Variants in PBRM1 observed in about 807,000 individuals in gnomAD.
PBRM1 encodes protein polybromo-1.
Under a neutral mutation model 194.5 loss-of-function variants are expected in PBRM1, and 27 were observed. The observed-to-expected ratio is 0.14, with a 90% confidence interval of 0.10 to 0.19. The LOEUF is 0.19. Ranked by LOEUF, PBRM1 falls within the 10% of genes least tolerant of loss-of-function variation. PBRM1 has a pLI of 1.00. For missense variants in PBRM1, 1,466 were observed against 2,077.2 expected, an observed-to-expected ratio of 0.71 and a Z score of 5.72; for synonymous variants, 655 against 693.2, an observed-to-expected ratio of 0.94 and a Z score of 0.87.
Position 52,609,736 on chromosome 3 carries a change from G to A in PBRM1, c.2144C>T (p.Ala715Val). 6.2e-7 allele frequency: 1 copy of A among 1,608,132 alleles called. No homozygotes were observed. The highest frequency in any genetic ancestry group is 8.5e-7 in the Non-Finnish European group (1 of 1,177,852). ...AGAGTCAATATCTTGGTACTTGTTG[G>A]CCATCATGTGACTTCGAATTTTTTC... The change falls in exon 16 of 30, where the codon GCC becomes GTC. Residue 715 changes from alanine (A) to valine (V), a missense_variant. By Grantham distance (64) the Ala-to-Val change is moderately conservative. Coordinates refer to ENST00000296302, the Ensembl canonical transcript of PBRM1. This position sits in a 1 kb window ranked among gnomAD's most constrained non-coding sequence, Gnocchi z 4.1.
chr3:52,649,505 A>G (rs1046072768), intron 6 of PBRM1, among the ~76,000 whole-genome samples: 1 of 152,246 alleles, frequency 6.6e-6, no homozygotes, highest in Non-Finnish European at 1.5e-5. Context: ...GAGGCTGTGC[A>G]TGATCTCAGC....
exon 24 of PBRM1, chr3:52,563,485 A>G (rs1280677016): frequency 1.2e-6 from 2 of 1,613,588 alleles, no homozygotes; most frequent in Admixed American, 3.3e-5. Context: ...CTGAGGAACA[A>G]TTGGTTTTCT....
rs1441063943 is a variant in PBRM1, at chr3:52,576,537, C to T, written c.3691+4G>A. On this transcript the variant is annotated splice_donor_region_variant and intron_variant, in intron 22 of 29. Coordinates refer to ENST00000296302, the Ensembl canonical transcript of PBRM1. The stretch of plus-strand genomic sequence containing the variant: ...CGATTAAATAAAAAAGCACAAATAC[C>T]TACCGAGAATACATGTCATGGGGCA... 1 of 1,583,874 alleles carries T rather than the reference C, an allele frequency of 6.3e-7. No individual in the cohort carries two copies. Among genetic ancestry groups the T allele is most frequent in the Non-Finnish European group, 8.5e-7 (1 of 1,169,636 alleles).
At chr3:52,656,208 C>T (rs570544712) in intron 5 of PBRM1, among the ~76,000 whole-genome samples, 4 of 152,214 alleles carry the variant, frequency 2.6e-5, no homozygotes, top group Non-Finnish European at 5.9e-5. Context: ...AAAGGTCTTG[C>T]TTGTCTAGAA....
chr3:52,547,865 T>C, downstream of PBRM1: 3 of 476,776 alleles, frequency 6.3e-6, no homozygotes, highest in Non-Finnish European at 1.1e-5. Context: ...TTTGTGTATT[T>C]GATAAAGTCA....
intron 13 of PBRM1, among the ~76,000 whole-genome samples, chr3:52,618,671 C>G (rs531654181): frequency 6.6e-6 from 1 of 151,092 alleles, no homozygotes; most frequent in African/African-American, 2.4e-5. Flanking sequence ...CTCAGCTCAC[C>G]GCAACCTCTG....
intron 10 of PBRM1, among the ~76,000 whole-genome samples, chr3:52,641,026 TAAAA>T (rs796782070): frequency 6.6e-6 from 1 of 152,010 alleles, no homozygotes; most frequent in Non-Finnish European, 1.5e-5. Flanking sequence ...CCAATTTAAA[TAAAA>T]AAATACTTAA....
intron 10 of PBRM1, among the ~76,000 whole-genome samples, chr3:52,635,336 G>A (rs1417806503): frequency 6.6e-6 from 1 of 152,156 alleles, no homozygotes; most frequent in Non-Finnish European, 1.5e-5. Flanking sequence ...GAGAGGCCAA[G>A]GTGGGTGAAT....
rs564057549 is a variant in PBRM1 at position 52,578,998 on chromosome 3, A to G, written c.3533+56T>C. On this transcript the variant is annotated intron_variant, in intron 21 of 29. Transcript: ENST00000296302. ...TTCATCCGAAGGGTGACTAATTTCT[A>G]CTGGTTCCAAATTTCTCAGATTCAA... is the stretch of plus-strand genomic sequence containing the variant. 17 of 1,564,950 alleles carry G rather than the reference A, an allele frequency of 1.1e-5. No homozygotes were observed. The African/African-American group carries it at 2.3e-4, about 21-fold the overall frequency.
intron 19 of PBRM1, 59 bp from the exon 22 acceptor site, chr3:52,586,747 TCAAA>T: frequency 6.9e-6 from 1 of 145,080 alleles, no homozygotes; most frequent in South Asian, 3.0e-4. Context: ...TGAAAATCAA[TCAAA>T]AAAAAAAAAA....
intron 15 of PBRM1, among the ~76,000 whole-genome samples, chr3:52,612,793 CTA>C (rs1171438486): frequency 7.9e-5 from 12 of 151,738 alleles, no homozygotes; most frequent in African/African-American, 2.4e-4. Context: ...GTAGTTACAG[CTA>C]CCCTGCAGGC....
intron 2 of PBRM1, among the ~76,000 whole-genome samples, chr3:52,671,853 G>C (rs960061518): frequency 6.6e-6 from 1 of 152,126 alleles, no homozygotes; most frequent in African/African-American, 2.4e-5. Context: ...TCAGTGGCTT[G>C]CTCGTTGAGG....
At chr3:52,629,151 C>A in intron 11 of PBRM1, 116 bp from the exon 13 acceptor site, 1 of 727,848 alleles carries the variant, frequency 1.4e-6, no homozygotes. Flanking sequence ...ACTGGTAATA[C>A]TGATTAGGAA....
chr3:52,627,764 G>T (rs1043775603), intron 12 of PBRM1, among the ~76,000 whole-genome samples: 4 of 152,160 alleles, frequency 2.6e-5, no homozygotes, highest in Admixed American at 6.6e-5. Flanking sequence ...AAAGTTTAAT[G>T]CAAGAAGTGA....
chr3:52,652,704 T>A (rs1265420934), intron 5 of PBRM1, among the ~76,000 whole-genome samples: 128 of 120,454 alleles, frequency 1.1e-3, no homozygotes, highest in African/African-American at 3.4e-3. Context: ...AAAAAATAAA[T>A]AATCTAAATT....
intron 7 of PBRM1, among the ~76,000 whole-genome samples, chr3:52,646,571 C>G (rs926282617): frequency 6.6e-6 from 1 of 152,052 alleles, no homozygotes; most frequent in African/African-American, 2.4e-5. Flanking sequence ...GGAATAGAAC[C>G]AAGAATCTAG....
chr3:52,633,006 G>A (rs1023392497), intron 11 of PBRM1, among the ~76,000 whole-genome samples: 1 of 152,020 alleles, frequency 6.6e-6, no homozygotes, highest in Non-Finnish European at 1.5e-5. Context: ...AGCCTACCTT[G>A]ACCATTTTTA....
Position 52,552,353 on chromosome 3 carries a change from A to G in PBRM1, c.4610-1536T>C, listed in dbSNP as rs189581105. ...GGTGAGAATCTGAGCTGAGTCACCAAAAGAGCTCAATGAATCCCCTACTCC... is the reference window on the plus strand; with the variant it reads ...GGTGAGAATCTGAGCTGAGTCACCAGAAGAGCTCAATGAATCCCCTACTCC... On this transcript the variant is annotated intron_variant, in intron 27 of 29. Coordinates refer to ENST00000296302, the Ensembl canonical transcript of PBRM1. 2.7e-4 allele frequency among the ~76,000 whole-genome samples: 41 copies of G among 152,316 alleles called. 1 individual carries two copies. The highest frequency in any genetic ancestry group is 4.4e-5 in the Non-Finnish European group (3 of 68,020).
chr3:52,566,603 C>A (rs1251721314), intron 22 of PBRM1, among the ~76,000 whole-genome samples: 2 of 151,986 alleles, frequency 1.3e-5, no homozygotes, highest in Non-Finnish European at 2.9e-5. Flanking sequence ...GTATATAGAA[C>A]AGGCAAAATT....
Sources: gnomAD v4.1 joint callset for allele counts (sites outside exome capture counted in the v4.1 genomes callset) on GRCh38, gnomAD v4.1.1 for gene constraint, Gnocchi (gnomAD v3.1) non-coding constraint, MANE v1.5 for transcripts, NCBI Gene and HGNC (gene_info 2026-07-23, HGNC 2026-07-21) for gene names.